RPS6KC1: variants seen among roughly 807,000 people sequenced by gnomAD.
RPS6KC1 encodes ribosomal protein S6 kinase C1, also known as inactive ribosomal protein S6 kinase delta-1.
In RPS6KC1, 54 loss-of-function variants were observed where a neutral mutation model predicts 103.8. That is an observed-to-expected ratio of 0.52 (90% CI 0.42 to 0.65). The LOEUF is 0.65. RPS6KC1 is among the 30% of genes least tolerant of loss of function. The pLI is 0.00. For synonymous variants in RPS6KC1, 439 were observed against 438.7 expected (o/e 1.00, Z -0.01); for missense variants, 1,151 against 1,253.8 (o/e 0.92, Z 1.24).
At chr1:213,293,094 G>A in the RPS6KC1 span, among the ~76,000 whole-genome samples, 8 of 152,212 alleles carry the variant, frequency 5.3e-5, no homozygotes, top group African/African-American at 1.9e-4. Context: ...TATAGGGTTG[G>A]TGGTAATTAC....
intron 3 of RPS6KC1, among the ~76,000 whole-genome samples, chr1:213,100,368 C>T (rs1235068108): frequency 6.6e-6 from 1 of 151,894 alleles, no homozygotes; most frequent in African/African-American, 2.4e-5. Context: ...TTCTCCCAGT[C>T]AGTTGTTCGT....
At chr1:213,352,600 A>G in the RPS6KC1 span, among the ~76,000 whole-genome samples, 1 of 152,178 alleles carries the variant, frequency 6.6e-6, no homozygotes, top group Non-Finnish European at 1.5e-5. Context: ...CTATAAAGAT[A>G]GGCTCTTTGA....
At chr1:213,368,585 G>A in the RPS6KC1 span, among the ~76,000 whole-genome samples, 1 of 152,196 alleles carries the variant, frequency 6.6e-6, no homozygotes, top group Non-Finnish European at 1.5e-5. Flanking sequence ...CCCTTGCTGT[G>A]CATTGTTAGA....
At chr1:213,075,171 C>T (rs1433797145) in intron 2 of RPS6KC1, among the ~76,000 whole-genome samples, 3 of 152,002 alleles carry the variant, frequency 2.0e-5, no homozygotes, top group Middle Eastern at 3.2e-3. Context: ...ATTTTATCTG[C>T]AAATCTAATT....
chr1:213,465,811 G>C, the RPS6KC1 span, among the ~76,000 whole-genome samples: 1 of 152,020 alleles, frequency 6.6e-6, no homozygotes, highest in South Asian at 2.1e-4. Flanking sequence ...TATTAAATAT[G>C]TAAGTTTGAG....
At chr1:213,701,393 C>T in the RPS6KC1 span, among the ~76,000 whole-genome samples, 10 of 152,018 alleles carry the variant, frequency 6.6e-5, no homozygotes, top group East Asian at 5.8e-4. Flanking sequence ...TTGCATCCCA[C>T]GAATAAATCC....
intron 10 of RPS6KC1, among the ~76,000 whole-genome samples, chr1:213,236,350 A>C (rs1034976929): frequency 1.3e-5 from 2 of 152,130 alleles, no homozygotes; most frequent in African/African-American, 4.8e-5. Flanking sequence ...CATGATTTCA[A>C]AGTTTTTGGC....
At chr1:213,828,891 C>T in the RPS6KC1 span, among the ~76,000 whole-genome samples, 5 of 152,180 alleles carry the variant, frequency 3.3e-5, no homozygotes. Flanking sequence ...AAATTTCAAA[C>T]AGATCACCTA....
the RPS6KC1 span, among the ~76,000 whole-genome samples, chr1:213,440,526 A>C: frequency 6.6e-6 from 1 of 151,354 alleles, no homozygotes; most frequent in East Asian, 2.0e-4. Context: ...CAGAATCATA[A>C]AGCTGTTTTT....
chr1:213,838,195 G>A, the RPS6KC1 span, among the ~76,000 whole-genome samples: 27 of 152,154 alleles, frequency 1.8e-4, no homozygotes, highest in East Asian at 5.0e-3. Flanking sequence ...CACAGTTAGT[G>A]ACCTATTCAA....
chr1:213,172,137 C>G (rs1011619818), intron 7 of RPS6KC1, among the ~76,000 whole-genome samples: 1 of 152,144 alleles, frequency 6.6e-6, no homozygotes, highest in Non-Finnish European at 1.5e-5. Context: ...TCAGTATCTT[C>G]TTTTTAACAA....
At chr1:213,142,683 C>T (rs1308945354) in intron 6 of RPS6KC1, among the ~76,000 whole-genome samples, 2 of 152,014 alleles carry the variant, frequency 1.3e-5, no homozygotes, top group Non-Finnish European at 2.9e-5. Context: ...GCAACCACTA[C>T]CCTGATCAGT....
At chr1:213,549,247 C>T in the RPS6KC1 span, among the ~76,000 whole-genome samples, 1 of 152,124 alleles carries the variant, frequency 6.6e-6, no homozygotes, top group Non-Finnish European at 1.5e-5. Context: ...CAATGGATCA[C>T]CAGGGCCAAG....
intron 6 of RPS6KC1, among the ~76,000 whole-genome samples, chr1:213,151,730 AC>A (rs1422847926): frequency 1.1e-5 from 1 of 87,794 alleles, no homozygotes; most frequent in Non-Finnish European, 2.2e-5. Flanking sequence ...CGGGGGGCTG[AC>A]CCCCCCACCC....
At chr1:213,819,459 G>C in the RPS6KC1 span, 1 of 152,170 alleles carries the variant, frequency 6.6e-6, no homozygotes, top group Non-Finnish European at 1.5e-5. Context: ...CTAAGATGGG[G>C]CCCAGGAATC....
chr1:213,774,667 CCG>C, the RPS6KC1 span, among the ~76,000 whole-genome samples: 4 of 152,140 alleles, frequency 2.6e-5, no homozygotes, highest in African/African-American at 9.7e-5. Context: ...GTGGAATAGT[CCG>C]TGTGTGTATT....
the RPS6KC1 span, among the ~76,000 whole-genome samples, chr1:213,703,711 T>A: frequency 6.6e-6 from 1 of 152,162 alleles, no homozygotes; most frequent in Non-Finnish European, 1.5e-5. Flanking sequence ...GCTGCTCCAT[T>A]GTATGTTATT....
At chr1:213,453,678 G>A in the RPS6KC1 span, among the ~76,000 whole-genome samples, 1 of 152,134 alleles carries the variant, frequency 6.6e-6, no homozygotes, top group Non-Finnish European at 1.5e-5. Context: ...AGCACTTTGG[G>A]GTAACAGTAA....
chr1:213,188,470 C>T (rs1033433567), intron 8 of RPS6KC1, among the ~76,000 whole-genome samples: 1 of 151,676 alleles, frequency 6.6e-6, no homozygotes, highest in African/African-American at 2.4e-5. Flanking sequence ...ATCTCATTCT[C>T]ATATTTGAAT....
Sources: gnomAD v4.1 joint callset for allele counts (sites outside exome capture counted in the v4.1 genomes callset) on GRCh38, gnomAD v4.1.1 for gene constraint, MANE v1.5 for transcripts, NCBI Gene and HGNC (gene_info 2026-07-23, HGNC 2026-07-21) for gene names.